The following PRR16 variants were observed in gnomAD, a reference collection of about 807,000 sequenced individuals.
PRR16 encodes the protein protein Largen.
Under a neutral mutation model 18.2 loss-of-function variants are expected in PRR16, and 6 were observed. The observed-to-expected ratio is 0.33, with a 90% CI of 0.18 to 0.65. The LOEUF is 0.65. Ranked by LOEUF, PRR16 falls within the 30% of genes least tolerant of loss-of-function variation. PRR16 has a pLI of 0.74. For missense variants in PRR16, 412 were observed against 376.6 expected (o/e 1.09, Z -0.78); for synonymous variants, 151 against 147.8 (o/e 1.02, Z -0.16).
At chr5:120,553,984 C>A (rs1752336608) in intron 1 of PRR16, among the ~76,000 whole-genome samples, 3 of 151,770 alleles carry the variant, frequency 2.0e-5, no homozygotes, top group Admixed American at 6.6e-5. Flanking sequence ...TTGTTTTGTC[C>A]CTTTTTAACA....
the PRR16 span, among the ~76,000 whole-genome samples, chr5:120,756,002 A>T: frequency 6.6e-6 from 1 of 152,134 alleles, no homozygotes; most frequent in African/African-American, 2.4e-5. Flanking sequence ...CACCCTATGT[A>T]AATGAAGGAA....
At chr5:120,789,097 A>G in the PRR16 span, among the ~76,000 whole-genome samples, 1 of 152,032 alleles carries the variant, frequency 6.6e-6, no homozygotes, top group Non-Finnish European at 1.5e-5. Context: ...TCTCAGATGG[A>G]CTTTAAGATT....
intron 1 of PRR16, among the ~76,000 whole-genome samples, chr5:120,656,789 G>T (rs1286112715): frequency 6.6e-6 from 1 of 151,876 alleles, no homozygotes; most frequent in Non-Finnish European, 1.5e-5. Flanking sequence ...GTAGTAAACT[G>T]TTTGGGAATT....
At chr5:120,569,327 A>G (rs1045523244) in intron 1 of PRR16, among the ~76,000 whole-genome samples, 2 of 152,138 alleles carry the variant, frequency 1.3e-5, no homozygotes, top group African/African-American at 2.4e-5. Flanking sequence ...GATGCTCTGG[A>G]GAGAGGTCCT....
intron 1 of PRR16, among the ~76,000 whole-genome samples, chr5:120,491,199 A>G (rs1750026040): frequency 6.6e-6 from 1 of 152,034 alleles, no homozygotes; most frequent in Admixed American, 6.6e-5. Context: ...GGACATTTCT[A>G]GATTTAGTTT....
At chr5:120,469,346 G>A (rs1280925184) in intron 1 of PRR16, among the ~76,000 whole-genome samples, 2 of 152,214 alleles carry the variant, frequency 1.3e-5, no homozygotes, top group East Asian at 3.9e-4. Flanking sequence ...GTTTGAGACA[G>A]TATCTTGCCC....
intron 1 of PRR16, among the ~76,000 whole-genome samples, chr5:120,478,887 A>T (rs1040861197): frequency 6.6e-6 from 1 of 152,082 alleles, no homozygotes; most frequent in Admixed American, 6.6e-5. Flanking sequence ...AGCCATTACA[A>T]ATTTTAAATT....
the PRR16 span, among the ~76,000 whole-genome samples, chr5:120,769,989 T>A: frequency 8.5e-3 from 1,296 of 152,036 alleles, 18 homozygotes; most frequent in African/African-American, 0.03. Context: ...CAGCTGTTGG[T>A]CACTTGTATG....
chr5:120,723,455 A>G, the PRR16 span, among the ~76,000 whole-genome samples: 1 of 152,034 alleles, frequency 6.6e-6, no homozygotes, highest in African/African-American at 2.4e-5. Context: ...TAATAATTTA[A>G]AAAAGCATAA....
At chr5:120,584,559 G>A (rs1753377107) in intron 1 of PRR16, among the ~76,000 whole-genome samples, 1 of 151,996 alleles carries the variant, frequency 6.6e-6, no homozygotes, top group African/African-American at 2.4e-5. Flanking sequence ...AATTTATATT[G>A]ATATTCTGTT....
chr5:120,760,915 C>G, the PRR16 span, among the ~76,000 whole-genome samples: 1 of 152,080 alleles, frequency 6.6e-6, no homozygotes, highest in African/African-American at 2.4e-5. Flanking sequence ...TTCCTCACTT[C>G]TCTATTTGTA....
Position 120,537,684 on chromosome 5 carries a change from G to C in PRR16, c.159+73039G>C, listed in dbSNP as rs114920164. Among the ~76,000 whole-genome samples, 1,295 of 151,616 alleles carry C rather than the reference G, an allele frequency of 8.5e-3. 16 individuals are homozygous for C. The highest frequency in any genetic ancestry group is 0.03 in the African/African-American group (1,226 of 41,356). Reference sequence around the variant, plus strand: ...TATTAGTGGAAGTGAAATAAAATTGGAGACAGCAAAAAATAAATTGTTTTT... The same window carrying C: ...TATTAGTGGAAGTGAAATAAAATTGCAGACAGCAAAAAATAAATTGTTTTT... On this transcript the variant is annotated intron_variant, in intron 1 of 1. Transcript: ENST00000407149.
At chr5:120,579,044 G>T (rs536709370) in intron 1 of PRR16, among the ~76,000 whole-genome samples, 1 of 152,066 alleles carries the variant, frequency 6.6e-6, no homozygotes, top group Admixed American at 6.6e-5. Flanking sequence ...CTGCATAAAT[G>T]TCTTCTTTTG....
At chr5:120,501,876 A>C (rs186860686) in intron 1 of PRR16, among the ~76,000 whole-genome samples, 2,777 of 148,426 alleles carry the variant, frequency 0.019, 32 homozygotes, top group Non-Finnish European at 0.03. Context: ...GAATGGTGTG[A>C]ACCTGGCAGG....
At chr5:120,793,773 G>C in the PRR16 span, among the ~76,000 whole-genome samples, 1 of 152,108 alleles carries the variant, frequency 6.6e-6, no homozygotes, top group East Asian at 1.9e-4. Flanking sequence ...TGAGGAGTTA[G>C]GTGATTTCAT....
chr5:120,539,286 T>C (rs1322223453), intron 1 of PRR16, among the ~76,000 whole-genome samples: 1 of 151,226 alleles, frequency 6.6e-6, no homozygotes, highest in Non-Finnish European at 1.5e-5. Context: ...TTCTAAATAT[T>C]ATTTTCTAAT....
At chr5:120,622,687 T>C (rs10078711) in intron 1 of PRR16, among the ~76,000 whole-genome samples, 8,754 of 151,850 alleles carry the variant, frequency 0.058, 316 homozygotes, top group South Asian at 0.082. Context: ...CCATGTTGGC[T>C]AGGATGGTCT....
intron 1 of PRR16, among the ~76,000 whole-genome samples, chr5:120,651,459 T>C (rs113416583): frequency 0.43 from 65,152 of 151,922 alleles, 14,901 homozygotes; most frequent in East Asian, 0.86. Flanking sequence ...TTTATGGTTT[T>C]AGGTCTAACA....
At chr5:120,537,769 G>GTTT (rs71623210) in intron 1 of PRR16, among the ~76,000 whole-genome samples, 3 of 115,170 alleles carry the variant, frequency 2.6e-5, no homozygotes, top group African/African-American at 9.8e-5. Context: ...AATTTTTAAT[G>GTTT]TTTTTTTTTT....
Sources: allele counts gnomAD v4.1 joint callset (sites outside exome capture counted in the v4.1 genomes callset), GRCh38; gene constraint gnomAD v4.1.1; transcripts MANE v1.5; gene names NCBI Gene and HGNC (gene_info 2026-07-23, HGNC 2026-07-21).